The following BCL11A variants were observed in gnomAD, a reference collection of about 807,000 sequenced individuals.
The protein encoded by BCL11A is BCL11 transcription factor A.
BCL11A carries 2 observed loss-of-function variants against 55.9 expected under a neutral mutation model. That is an observed-to-expected ratio of 0.04 (90% CI 0.01 to 0.11). BCL11A has a LOEUF of 0.11. Among genes scored for constraint, BCL11A ranks in the 10% least tolerant of loss-of-function variants. BCL11A has a pLI of 1.00. For synonymous variants in BCL11A, 465 were observed against 473.4 expected, an observed-to-expected ratio of 0.98 and a Z score of 0.23; for missense variants, 817 against 1,137.1, an observed-to-expected ratio of 0.72 and a Z score of 4.05.
chr2:60,495,923 G>C (rs1342074612), intron 2 of BCL11A, among the ~76,000 whole-genome samples: 1 of 151,802 alleles, frequency 6.6e-6, no homozygotes, highest in Non-Finnish European at 1.5e-5. Context: ...ATTTTTCTGA[G>C]AGTCTCTAAA....
intron 2 of BCL11A, among the ~76,000 whole-genome samples, chr2:60,469,853 G>T (rs1469311634): frequency 6.6e-6 from 1 of 152,174 alleles, no homozygotes; most frequent in African/African-American, 2.4e-5. Context: ...TGCAGGAGAC[G>T]CTCTGTGTGT....
chr2:60,541,907 T>A, intron 2 of BCL11A: 3 of 710,068 alleles, frequency 4.2e-6, no homozygotes, highest in South Asian at 3.0e-5. Flanking sequence ...CACAAATACA[T>A]CCTCCAGTTC....
At chr2:60,548,632 C>T (rs1670258726) in intron 1 of BCL11A, among the ~76,000 whole-genome samples, 1 of 152,150 alleles carries the variant, frequency 6.6e-6, no homozygotes, top group Admixed American at 6.5e-5. Context: ...CCTGTAACCT[C>T]AACATTTTCT....
chr2:60,497,554 A>G (rs185271377), intron 2 of BCL11A, among the ~76,000 whole-genome samples: 92 of 152,212 alleles, frequency 6.0e-4, no homozygotes, highest in Non-Finnish European at 1.0e-3. Flanking sequence ...TAGAAACTCA[A>G]TCGGCTCTTA....
At chr2:60,512,958 T>C (rs535379094) in intron 2 of BCL11A, among the ~76,000 whole-genome samples, 14 of 152,136 alleles carry the variant, frequency 9.2e-5, no homozygotes, top group African/African-American at 3.4e-4. Context: ...TCTCAGAGAT[T>C]AACATTTTCT....
intron 2 of BCL11A, among the ~76,000 whole-genome samples, chr2:60,539,297 T>C (rs1251833925): frequency 1.3e-5 from 2 of 152,348 alleles, no homozygotes; most frequent in East Asian, 3.9e-4. Flanking sequence ...GCAGTAACTG[T>C]GCGCCTATTG....
intron 2 of BCL11A, among the ~76,000 whole-genome samples, chr2:60,487,997 G>A (rs561120648): frequency 6.6e-6 from 1 of 152,312 alleles, no homozygotes; most frequent in South Asian, 2.1e-4. Flanking sequence ...TAAACCTGGG[G>A]AAGCAATATA....
intron 3 of BCL11A, among the ~76,000 whole-genome samples, chr2:60,463,443 C>A (rs118025933): frequency 3.3e-5 from 5 of 152,334 alleles, no homozygotes; most frequent in East Asian, 1.9e-4. Context: ...CCTGCGCCCT[C>A]GGCTGGGACT....
chr2:60,530,778 A>G (rs1461018459), intron 2 of BCL11A, among the ~76,000 whole-genome samples: 1 of 151,212 alleles, frequency 6.6e-6, no homozygotes, highest in Non-Finnish European at 1.5e-5. Flanking sequence ...GGCCAAGTTC[A>G]TCTGTTAATG....
At chr2:60,464,419 A>C (rs917203576) in intron 3 of BCL11A, among the ~76,000 whole-genome samples, 1 of 152,170 alleles carries the variant, frequency 6.6e-6, no homozygotes, top group Non-Finnish European at 1.5e-5. Context: ...AAAAAAAACT[A>C]TCTGGTTCCA....
At chr2:60,467,897 GTGGTGGTAA>G (rs1676910981) in intron 3 of BCL11A, among the ~76,000 whole-genome samples, 2 of 114,862 alleles carry the variant, frequency 1.7e-5, no homozygotes, top group Admixed American at 7.8e-5. Context: ...GGTAGTGATG[GTGGTGGTAA>G]TGGTGGTGGT....
chr2:60,551,850 G>A (rs1558529720), intron 1 of BCL11A, among the ~76,000 whole-genome samples: 2 of 150,542 alleles, frequency 1.3e-5, no homozygotes, highest in African/African-American at 4.9e-5. Context: ...GGCGAGGCCA[G>A]GCCGCCGCCG....
At chr2:60,481,697 C>G (rs536645910) in intron 2 of BCL11A, among the ~76,000 whole-genome samples, 10 of 152,300 alleles carry the variant, frequency 6.6e-5, no homozygotes, top group African/African-American at 1.2e-4. Context: ...CCCACATGCT[C>G]CAGCACATAC....
chr2:60,550,974 G>A, intron 1 of BCL11A: 1 of 396,510 alleles, frequency 2.5e-6, no homozygotes, highest in Non-Finnish European at 4.4e-6. Context: ...GATGCGAGGG[G>A]GTGGGGAGAG....
chr2:60,527,938 G>A (rs1669276502), intron 2 of BCL11A: 1 of 152,272 alleles, frequency 6.6e-6, no homozygotes, highest in South Asian at 2.1e-4. Context: ...GTGACTGGGA[G>A]AGGCCACCAC....
intron 2 of BCL11A, chr2:60,495,652 G>A (rs1048095322): frequency 2.6e-5 from 4 of 152,232 alleles, no homozygotes; most frequent in African/African-American, 7.2e-5. Context: ...TACATATAAC[G>A]TCATAACAGA....
At chr2:60,529,208 G>A (rs1445129842) in intron 2 of BCL11A, among the ~76,000 whole-genome samples, 1 of 152,192 alleles carries the variant, frequency 6.6e-6, no homozygotes, top group Non-Finnish European at 1.5e-5. Context: ...GGAGCACACA[G>A]TTCCAAGCCA....
chr2:60,518,421 C>T (rs1668830652), intron 2 of BCL11A, among the ~76,000 whole-genome samples: 1 of 152,148 alleles, frequency 6.6e-6, no homozygotes, highest in Non-Finnish European at 1.5e-5. Context: ...AAAATGTCTG[C>T]GATAGAGCAG....
intron 2 of BCL11A, among the ~76,000 whole-genome samples, chr2:60,479,914 T>C (rs992613395): frequency 2.6e-5 from 4 of 152,250 alleles, no homozygotes; most frequent in Admixed American, 2.6e-4. Context: ...AACCGTTTTT[T>C]GATTTATGGG....
Sources: allele counts gnomAD v4.1 joint callset (sites outside exome capture counted in the v4.1 genomes callset), GRCh38; gene constraint gnomAD v4.1.1; transcripts MANE v1.5; gene names NCBI Gene and HGNC (gene_info 2026-07-23, HGNC 2026-07-21).